The following CADM2 variants were observed in gnomAD, a reference collection of about 807,000 sequenced individuals.
The protein encoded by CADM2 is cell adhesion molecule 2, also known as immunoglobulin superfamily member 4D.
A neutral mutation model predicts 49.8 loss-of-function variants in CADM2; 12 were observed. The ratio of observed to expected loss-of-function variants is 0.24; its 90% CI spans 0.15 to 0.39. CADM2 has a LOEUF of 0.39. Among genes scored for constraint, CADM2 ranks in the 10% least tolerant of loss-of-function variants. The pLI is 1.00. For missense variants in CADM2, 378 were observed against 492.3 expected (o/e 0.77, Z 2.20); for synonymous variants, 214 against 175.4 (o/e 1.22, Z -1.74).
chr3:85,288,784 G>GGCCCCC (rs2043698717), intron 1 of CADM2, among the ~76,000 whole-genome samples: 3 of 88,196 alleles, frequency 3.4e-5, no homozygotes, highest in Non-Finnish European at 7.9e-5. Flanking sequence ...TTACCAATAT[G>GGCCCCC]CCCCCCCCCC....
At chr3:85,296,123 T>C (rs951352740) in intron 1 of CADM2, among the ~76,000 whole-genome samples, 4 of 151,992 alleles carry the variant, frequency 2.6e-5, no homozygotes, top group African/African-American at 9.7e-5. Flanking sequence ...GTCAAATATT[T>C]TTTAAATCTT....
intron 2 of CADM2, among the ~76,000 whole-genome samples, chr3:85,788,845 T>A (rs1424029647): frequency 6.6e-6 from 1 of 152,116 alleles, no homozygotes; most frequent in Admixed American, 6.6e-5. Flanking sequence ...AGGTTTTTAA[T>A]GATACTTGCC....
chr3:85,714,752 C>T (rs933572086), intron 1 of CADM2, among the ~76,000 whole-genome samples: 1 of 151,960 alleles, frequency 6.6e-6, no homozygotes, highest in African/African-American at 2.4e-5. Context: ...TTTTACTTGA[C>T]CTTATTCTGC....
In CADM2 at chr3:85,413,013, C is replaced by T. The variant is rs371395193; in HGVS notation, c.62-313509C>T. 6.1e-4 allele frequency among the ~76,000 whole-genome samples: 92 copies of T among 151,030 alleles called. 1 individual carries two copies. The highest frequency in any genetic ancestry group is 4.3e-3 in the East Asian group (22 of 5,094). On this transcript the variant is annotated intron_variant, in intron 1 of 9. Coordinates refer to ENST00000383699, the MANE Select transcript of CADM2 (RefSeq NM_001167675.2). ...AAAATTAGCCAGGCGAGGTGGCGGG[C>T]GCCTGTAGTCCCAGCTATGCGGGAG...
At chr3:85,152,769 A>G (rs1285361492) in intron 1 of CADM2, among the ~76,000 whole-genome samples, 2 of 152,060 alleles carry the variant, frequency 1.3e-5, no homozygotes, top group Non-Finnish European at 2.9e-5. Flanking sequence ...CATCCTGGCT[A>G]ACACAGTGAA....
At chr3:85,138,046 G>GA (rs2039468481) in intron 1 of CADM2, among the ~76,000 whole-genome samples, 1 of 151,790 alleles carries the variant, frequency 6.6e-6, no homozygotes, top group Admixed American at 6.6e-5. Context: ...AACCTAATCA[G>GA]AAAAAAACAA....
intron 1 of CADM2, among the ~76,000 whole-genome samples, chr3:85,626,751 T>G (rs2107507457): frequency 6.6e-6 from 1 of 152,210 alleles, no homozygotes; most frequent in African/African-American, 2.4e-5. Flanking sequence ...TTGTGGATTC[T>G]ATTGTTAATG....
At chr3:86,023,344 A>G (rs1242287639) in intron 8 of CADM2, among the ~76,000 whole-genome samples, 1 of 147,394 alleles carries the variant, frequency 6.8e-6, no homozygotes, top group Non-Finnish European at 1.5e-5. Flanking sequence ...GTTCTCCAGA[A>G]TGAGGTTTTT....
intron 1 of CADM2, among the ~76,000 whole-genome samples, chr3:85,609,946 A>AT (rs369963427): frequency 5.3e-5 from 8 of 151,414 alleles, no homozygotes; most frequent in African/African-American, 1.2e-4. Context: ...GAGGCACTAC[A>AT]TTTTTTTTTA....
At chr3:86,034,298 G>T (rs1734905450) in intron 8 of CADM2, among the ~76,000 whole-genome samples, 1 of 151,944 alleles carries the variant, frequency 6.6e-6, no homozygotes, top group Non-Finnish European at 1.5e-5. Flanking sequence ...AAGTTCATTT[G>T]CTGTGATGGT....
rs1309042600 is a variant in CADM2, at chr3:85,021,897, G to A, written c.61+62229G>A. Among the ~76,000 whole-genome samples the A allele has an allele frequency of 2.6e-5, 4 of 152,202 alleles. No individual in the cohort carries two copies. In the East Asian group the frequency reaches 7.7e-4, roughly 29 times the overall value. ...TCTTACAGAACTCAGTGTGGGGATTGCTAACTTAGCTGATGGAGTGTGTTG... is the reference window on the plus strand; with the variant it reads ...TCTTACAGAACTCAGTGTGGGGATTACTAACTTAGCTGATGGAGTGTGTTG... On this transcript the variant is annotated intron_variant, in intron 1 of 9. Transcript: ENST00000383699.
intron 1 of CADM2, among the ~76,000 whole-genome samples, chr3:84,974,935 G>A (rs1415936034): frequency 6.6e-6 from 1 of 151,726 alleles, no homozygotes; most frequent in Non-Finnish European, 1.5e-5. Context: ...TGTACAGTTT[G>A]GGTTGATTTA....
chr3:85,054,805 A>C (rs1039253426), intron 1 of CADM2, among the ~76,000 whole-genome samples: 5 of 151,912 alleles, frequency 3.3e-5, no homozygotes, highest in Admixed American at 2.0e-4. Context: ...ACTTGCTAGG[A>C]AACACTACTT....
intron 1 of CADM2, among the ~76,000 whole-genome samples, chr3:85,077,422 G>A (rs1016877578): frequency 5.3e-5 from 8 of 151,702 alleles, no homozygotes; most frequent in South Asian, 2.1e-4. Context: ...TTTTAATATA[G>A]CCCTACCATA....
chr3:85,523,400 G>A (rs974904223), intron 1 of CADM2, among the ~76,000 whole-genome samples: 13 of 152,074 alleles, frequency 8.5e-5, no homozygotes, highest in South Asian at 2.1e-4. Context: ...GTAAAAATTC[G>A]TTAATAAACA....
At chr3:85,870,099 G>A (rs886770903) in intron 3 of CADM2, among the ~76,000 whole-genome samples, 1 of 152,116 alleles carries the variant, frequency 6.6e-6, no homozygotes, top group Non-Finnish European at 1.5e-5. Flanking sequence ...GGGCTCATTA[G>A]AAACAATTCT....
intron 1 of CADM2, among the ~76,000 whole-genome samples, chr3:85,345,651 C>G (rs1048709594): frequency 4.6e-5 from 7 of 152,092 alleles, no homozygotes; most frequent in African/African-American, 1.7e-4. Context: ...AACTGATGAG[C>G]TGTTTGGGAT....
intron 4 of CADM2, among the ~76,000 whole-genome samples, chr3:85,884,122 A>G (rs1486591570): frequency 6.6e-6 from 1 of 152,216 alleles, no homozygotes; most frequent in Non-Finnish European, 1.5e-5. Context: ...CGAGGAAATA[A>G]AGTTGCAGCT....
chr3:85,359,222 T>C (rs956361687), intron 1 of CADM2, among the ~76,000 whole-genome samples: 1 of 152,118 alleles, frequency 6.6e-6, no homozygotes, highest in African/African-American at 2.4e-5. Context: ...AAGAAATGGA[T>C]TAATCTTTGT....
Sources: allele counts gnomAD v4.1 joint callset (sites outside exome capture counted in the v4.1 genomes callset), GRCh38; gene constraint gnomAD v4.1.1; transcripts MANE v1.5; gene names NCBI Gene and HGNC (gene_info 2026-07-23, HGNC 2026-07-21).